NRXN3: variants seen among roughly 807,000 people sequenced by gnomAD.
NRXN3 encodes the protein neurexin 3.
NRXN3 carries 32 observed loss-of-function variants against 137.6 expected under a neutral mutation model. The observed-to-expected ratio is 0.23, with a 90% confidence interval of 0.18 to 0.31. The LOEUF (loss-of-function observed/expected upper bound fraction) is 0.31, where lower values mean the gene tolerates loss of function less well. Among genes scored for constraint, NRXN3 ranks in the 10% least tolerant of loss-of-function variants. The pLI is 1.00. For synonymous variants in NRXN3, 798 were observed against 784.5 expected (o/e 1.02, Z -0.29); for missense variants, 1,574 against 2,062.5 (o/e 0.76, Z 4.59).
At chr14:79,093,181 A>T (rs1004193374) in intron 15 of NRXN3, among the ~76,000 whole-genome samples, 1 of 152,310 alleles carries the variant, frequency 6.6e-6, no homozygotes, top group Non-Finnish European at 1.5e-5. Context: ...TACATTGACC[A>T]GCCAAATGTA....
chr14:79,017,223 G>A (rs879334705), intron 15 of NRXN3, among the ~76,000 whole-genome samples: 8 of 35,596 alleles, frequency 2.2e-4, no homozygotes, highest in South Asian at 1.7e-3. Flanking sequence ...ATCGCCCCAC[G>A]GATCACTGGC....
intron 15 of NRXN3, among the ~76,000 whole-genome samples, chr14:79,432,726 T>C (rs1653193973): frequency 6.6e-6 from 1 of 152,204 alleles, no homozygotes; most frequent in Non-Finnish European, 1.5e-5. Flanking sequence ...GAGCTTTTGT[T>C]TCAGGGATAG....
intron 16 of NRXN3, among the ~76,000 whole-genome samples, chr14:79,515,357 CGAT>C (rs1288187617): frequency 6.6e-6 from 1 of 150,534 alleles, no homozygotes; most frequent in Non-Finnish European, 1.5e-5. Flanking sequence ...TGTGTTCCCA[CGAT>C]GATGACTCAG....
chr14:79,514,015 A>T (rs2096958040), intron 16 of NRXN3, among the ~76,000 whole-genome samples: 1 of 152,218 alleles, frequency 6.6e-6, no homozygotes, highest in South Asian at 2.1e-4. Context: ...AAATACAGAG[A>T]AATATAGAAA....
intron 4 of NRXN3, among the ~76,000 whole-genome samples, chr14:78,509,392 A>G (rs1210998811): frequency 6.6e-6 from 1 of 152,140 alleles, no homozygotes; most frequent in East Asian, 1.9e-4. Flanking sequence ...AAGGAAACCC[A>G]TTTCTTAGGG....
intron 15 of NRXN3, among the ~76,000 whole-genome samples, chr14:79,406,290 C>CCTCCT (rs1438239296): frequency 2.7e-5 from 4 of 149,940 alleles, no homozygotes; most frequent in South Asian, 2.2e-4. Flanking sequence ...CCTCTTCTCC[C>CCTCCT]CTCCTCTCCT....
chr14:78,726,136 C>G (rs1373194578), intron 8 of NRXN3, among the ~76,000 whole-genome samples: 1 of 152,136 alleles, frequency 6.6e-6, no homozygotes, highest in African/African-American at 2.4e-5. Context: ...GTCTAAAAAT[C>G]TTCCTTTCAC....
In NRXN3 at chr14:79,282,885, C is replaced by A. The variant is rs4903843; in HGVS notation, c.3263-184336C>A. Among the ~76,000 whole-genome samples, 652 of 152,244 alleles carry A rather than the reference C, an allele frequency of 4.3e-3. 22 individuals are homozygous for A. Among genetic ancestry groups the A allele is most frequent in the Admixed American group, 0.038 (584 of 15,284 alleles). ...GCATCTGTATTAAGTAGACTCCTTG[C>A]ATATTTAATTGGTGTTTTTGAGCAT... On this transcript the variant is annotated intron_variant, in intron 15 of 20. Coordinates refer to ENST00000335750, the MANE Select transcript of NRXN3 (RefSeq NM_001330195.2).
chr14:79,299,827 G>T (rs754068528), intron 15 of NRXN3, among the ~76,000 whole-genome samples: 2 of 151,958 alleles, frequency 1.3e-5, no homozygotes, highest in Admixed American at 6.6e-5. Context: ...CTATTTTCCC[G>T]CAATCCTATT....
chr14:79,104,994 G>C (rs1436023054), intron 15 of NRXN3, among the ~76,000 whole-genome samples: 1 of 151,988 alleles, frequency 6.6e-6, no homozygotes, highest in African/African-American at 2.4e-5. Flanking sequence ...TCATGTCTGG[G>C]CCCAGTTGCT....
chr14:79,715,658 A>T (rs1459306452), intron 19 of NRXN3, among the ~76,000 whole-genome samples: 1 of 152,196 alleles, frequency 6.6e-6, no homozygotes, highest in Non-Finnish European at 1.5e-5. Context: ...TACTTATATC[A>T]TGGGAAGAAG....
At chr14:78,298,524 G>A (rs1196549877) in intron 4 of NRXN3, among the ~76,000 whole-genome samples, 2 of 152,212 alleles carry the variant, frequency 1.3e-5, no homozygotes, top group Non-Finnish European at 2.9e-5. Flanking sequence ...TGCAAGGAAT[G>A]AACTGTGCAG....
At chr14:79,389,766 C>G (rs1296678770) in intron 15 of NRXN3, among the ~76,000 whole-genome samples, 1 of 152,128 alleles carries the variant, frequency 6.6e-6, no homozygotes, top group Admixed American at 6.5e-5. Context: ...ATCTCTGTAG[C>G]ATGCTGAATT....
chr14:79,001,966 A>G (rs1465030796), intron 15 of NRXN3, among the ~76,000 whole-genome samples: 1 of 152,186 alleles, frequency 6.6e-6, no homozygotes, highest in Non-Finnish European at 1.5e-5. Flanking sequence ...GAAAAATGTT[A>G]CCAATAAATA....
intron 15 of NRXN3, among the ~76,000 whole-genome samples, chr14:79,359,387 A>G (rs993560577): frequency 1.3e-5 from 2 of 152,102 alleles, no homozygotes; most frequent in African/African-American, 4.8e-5. Context: ...AGAATGTGGG[A>G]AAGTAGATGC....
intron 15 of NRXN3, among the ~76,000 whole-genome samples, chr14:79,160,175 G>T (rs1261389549): frequency 6.6e-6 from 1 of 151,864 alleles, no homozygotes; most frequent in Non-Finnish European, 1.5e-5. Flanking sequence ...ATGAAAGTTA[G>T]GTTGTAGCAG....
intron 8 of NRXN3, among the ~76,000 whole-genome samples, chr14:78,760,682 T>C (rs1382126148): frequency 6.6e-6 from 1 of 151,990 alleles, no homozygotes; most frequent in Non-Finnish European, 1.5e-5. Flanking sequence ...CTGTCCAGGT[T>C]TGCATAAACC....
intron 16 of NRXN3, among the ~76,000 whole-genome samples, chr14:79,630,049 CATA>C (rs879830028): frequency 6.6e-6 from 1 of 152,148 alleles, no homozygotes; most frequent in Non-Finnish European, 1.5e-5. Flanking sequence ...GCTGTGGAAA[CATA>C]ATAACACAGA....
intron 19 of NRXN3, among the ~76,000 whole-genome samples, chr14:79,725,994 T>G (rs142305084): frequency 3.3e-5 from 5 of 152,132 alleles, no homozygotes; most frequent in African/African-American, 1.2e-4. Context: ...AGTGACAAAT[T>G]TGAGTCCCAA....
Sources: allele counts gnomAD v4.1 joint callset (sites outside exome capture counted in the v4.1 genomes callset), GRCh38; gene constraint gnomAD v4.1.1; transcripts MANE v1.5; gene names NCBI Gene and HGNC (gene_info 2026-07-23, HGNC 2026-07-21).